TRAPPC8: variants seen among roughly 807,000 people sequenced by gnomAD.
TRAPPC8 encodes the protein general sporulation gene 1 homolog.
TRAPPC8 carries 54 observed loss-of-function variants against 174.3 expected under a neutral mutation model. The ratio of observed to expected loss-of-function variants is 0.31; its 90% CI spans 0.25 to 0.39. The LOEUF (loss-of-function observed/expected upper bound fraction) is 0.39. TRAPPC8 is among the 10% of genes least tolerant of loss of function. The pLI, the probability that TRAPPC8 is intolerant of heterozygous loss-of-function variation, is 1.00. For synonymous variants in TRAPPC8, 630 were observed against 579.9 expected (o/e 1.09, Z -1.24); for missense variants, 1,531 against 1,699.1 (o/e 0.90, Z 1.74).
rs1218114211 is a variant in TRAPPC8, at chr18:31,918,142, T to C, written c.353-475A>G. On this transcript the variant is annotated intron_variant, in intron 2 of 28. Coordinates refer to ENST00000283351, the MANE Select transcript of TRAPPC8 (RefSeq NM_014939.5). ...CTCCGTCTCAAAATAATAATAATAA[T>C]AATAAACTGAGTATATATGTACACA... Among the ~76,000 whole-genome samples, 18 of 151,760 alleles carry C rather than the reference T, an allele frequency of 1.2e-4. No homozygotes were observed. The East Asian group carries it at 3.5e-3, about 29-fold the overall frequency.
At chr18:31,908,227 T>G (rs2036747906) in intron 8 of TRAPPC8, 76 bp downstream of exon 8, 2 of 774,496 alleles carry the variant, frequency 2.6e-6, no homozygotes, top group Non-Finnish European at 3.8e-6. Context: ...GATAGTTATC[T>G]TCTGCAGGAT....
chr18:31,881,835 G>A (rs1272440462), intron 12 of TRAPPC8, among the ~76,000 whole-genome samples: 1 of 151,920 alleles, frequency 6.6e-6, no homozygotes, highest in Non-Finnish European at 1.5e-5. Context: ...AAGGACGTAA[G>A]GTACTTCTCA....
At chr18:31,863,821 C>G (rs1369587226) in intron 19 of TRAPPC8, among the ~76,000 whole-genome samples, 1 of 151,958 alleles carries the variant, frequency 6.6e-6, no homozygotes, top group Non-Finnish European at 1.5e-5. Context: ...CATCTTTCTT[C>G]TAGAAACTTG....
At chr18:31,832,275 TTA>T (rs1480403990) in intron 27 of TRAPPC8, 102 bp from the exon 28 acceptor site, 3 of 452,398 alleles carry the variant, frequency 6.6e-6, no homozygotes, top group Non-Finnish European at 1.0e-5. Flanking sequence ...CATAAGCTCC[TTA>T]AAAACAATCA....
chr18:31,852,046 A>G (rs1397460456), intron 24 of TRAPPC8, among the ~76,000 whole-genome samples: 1 of 152,128 alleles, frequency 6.6e-6, no homozygotes, highest in Non-Finnish European at 1.5e-5. Flanking sequence ...TATCCTCCAA[A>G]GAGTCTGAGG....
intron 11 of TRAPPC8, among the ~76,000 whole-genome samples, chr18:31,892,963 G>A (rs2036019522): frequency 6.6e-6 from 1 of 150,678 alleles, no homozygotes; most frequent in East Asian, 2.0e-4. Context: ...GCTGCAGTGA[G>A]CCATGAATGC....
At chr18:31,901,577 A>G (rs12709653) in intron 9 of TRAPPC8, among the ~76,000 whole-genome samples, 39,269 of 152,144 alleles carry the variant, frequency 0.26, 5,366 homozygotes, top group Middle Eastern at 0.38. Context: ...CATTACAGGT[A>G]AAGTTAGATC....
intron 15 of TRAPPC8, 125 bp downstream of exon 15, chr18:31,870,801 A>C (rs1415552147): frequency 1.1e-6 from 1 of 938,162 alleles, no homozygotes; most frequent in Non-Finnish European, 1.5e-6. Flanking sequence ...CAGCTCAGTA[A>C]ATTATGAGTT....
At chr18:31,832,916 G>C (rs544052156) in intron 27 of TRAPPC8, among the ~76,000 whole-genome samples, 1 of 152,250 alleles carries the variant, frequency 6.6e-6, no homozygotes, top group South Asian at 2.1e-4. Flanking sequence ...AACCGTATAA[G>C]TTCATACACA....
At chr18:31,855,354 C>A (rs1488684088) in intron 21 of TRAPPC8, among the ~76,000 whole-genome samples, 1 of 152,088 alleles carries the variant, frequency 6.6e-6, no homozygotes, top group East Asian at 1.9e-4. Context: ...TTTAGTAACA[C>A]CAATGGATCT....
chr18:31,846,437 T>TG lies in TRAPPC8; in HGVS notation c.3837+278dup, dbSNP rs141575130. On this transcript the variant is annotated intron_variant, in intron 26 of 28. Coordinates refer to ENST00000283351, the MANE Select transcript of TRAPPC8 (RefSeq NM_014939.5). ...AAAAAACACAAAAATTAGCCAGGTG[T>TG]GGTGGCACACACCTGTAGTCTCAGC... Among the ~76,000 whole-genome samples, 636 of 152,034 alleles carry TG rather than the reference T, an allele frequency of 4.2e-3. 4 individuals are homozygous for TG. Among genetic ancestry groups the TG allele is most frequent in the African/African-American group, 0.015 (606 of 41,456 alleles).
chr18:31,903,173 T>C (rs1029011508), intron 9 of TRAPPC8, among the ~76,000 whole-genome samples: 1 of 151,894 alleles, frequency 6.6e-6, no homozygotes, highest in Non-Finnish European at 1.5e-5. Flanking sequence ...GTGGCAACAA[T>C]TTTCCACCCA....
chr18:31,837,263 T>C (rs1053620661), intron 27 of TRAPPC8, among the ~76,000 whole-genome samples: 1 of 151,938 alleles, frequency 6.6e-6, no homozygotes, highest in Non-Finnish European at 1.5e-5. Flanking sequence ...GCAGAAGGAA[T>C]TCGCATATGC....
Position 31,843,782 on chromosome 18 carries a change from C to T in TRAPPC8, c.3837+2934G>A, listed in dbSNP as rs116022073. 6.2e-3 allele frequency among the ~76,000 whole-genome samples: 939 copies of T among 152,228 alleles called. 12 individuals carry two copies. The highest frequency in any genetic ancestry group is 0.022 in the African/African-American group (899 of 41,534). ...TAAATAAGTCTACCTGGGGGATAGACGGAACAATGTGAAAACTGATAAATT... is the reference window on the plus strand; with the variant it reads ...TAAATAAGTCTACCTGGGGGATAGATGGAACAATGTGAAAACTGATAAATT... On this transcript the variant is annotated intron_variant, in intron 26 of 28. Coordinates refer to ENST00000283351, the MANE Select transcript of TRAPPC8 (RefSeq NM_014939.5).
At chr18:31,886,388 T>A (rs113641737) in intron 12 of TRAPPC8, among the ~76,000 whole-genome samples, 4,226 of 150,706 alleles carry the variant, frequency 0.028, 222 homozygotes, top group African/African-American at 0.097. Context: ...CTTTAGCATT[T>A]AGTAAAGGAA....
chr18:31,928,277 T>A (rs773455022), intron 2 of TRAPPC8, among the ~76,000 whole-genome samples: 39 of 151,814 alleles, frequency 2.6e-4, no homozygotes, highest in Non-Finnish European at 2.2e-4. Context: ...GGTACGAGGA[T>A]CGCTTGAGGC....
At chr18:31,916,947 CAG>C (rs2037175561) in intron 3 of TRAPPC8, among the ~76,000 whole-genome samples, 1 of 150,654 alleles carries the variant, frequency 6.6e-6, no homozygotes, top group Admixed American at 6.6e-5. Context: ...ATAATTCTAA[CAG>C]ATTTTTTTTG....
At chr18:31,880,633 T>C (rs1041516579) in intron 12 of TRAPPC8, among the ~76,000 whole-genome samples, 7 of 152,038 alleles carry the variant, frequency 4.6e-5, no homozygotes, top group Non-Finnish European at 1.0e-4. Flanking sequence ...CTATTCAACA[T>C]AGTACTAGAA....
intron 27 of TRAPPC8, among the ~76,000 whole-genome samples, chr18:31,836,207 TGGAAATGTC>T (rs1050164116): frequency 1.3e-5 from 2 of 152,184 alleles, no homozygotes; most frequent in African/African-American, 4.8e-5. Flanking sequence ...GCCCAAGCAT[TGGAAATGTC>T]AGAAATTCCC....
Sources: allele counts gnomAD v4.1 joint callset (sites outside exome capture counted in the v4.1 genomes callset), GRCh38; gene constraint gnomAD v4.1.1; transcripts MANE v1.5; gene names NCBI Gene and HGNC (gene_info 2026-07-23, HGNC 2026-07-21).